PAPOLA: variants seen among roughly 807,000 people sequenced by gnomAD.
PAPOLA encodes poly(A) polymerase alpha.
A neutral mutation model predicts 100.6 loss-of-function variants in PAPOLA; 15 were observed. That is an observed-to-expected ratio of 0.15 (90% confidence interval 0.10 to 0.23). The LOEUF (loss-of-function observed/expected upper bound fraction) is 0.23, where lower values mean the gene tolerates loss of function less well. Ranked by LOEUF, PAPOLA falls within the 10% of genes least tolerant of loss-of-function variation. PAPOLA has a pLI of 1.00. For missense variants in PAPOLA, 533 were observed against 884.2 expected (o/e 0.60, Z 5.04); for synonymous variants, 293 against 300.0 (o/e 0.98, Z 0.24).
At chr14:96,534,865 TAA>T in intron 10 of PAPOLA, 1 of 1,081,724 alleles carries the variant, frequency 9.2e-7, no homozygotes, top group Non-Finnish European at 1.1e-6. Context: ...ATTTGTGCTT[TAA>T]AAAAAATAAA....
At chr14:96,540,996 TCTC>T (rs1485160656) in intron 12 of PAPOLA, among the ~76,000 whole-genome samples, 1 of 152,198 alleles carries the variant, frequency 6.6e-6, no homozygotes. Context: ...TTCATGCCAT[TCTC>T]CTGCCTCAGC....
chr14:96,565,065 G>C lies in PAPOLA; in HGVS notation c.*15G>C, dbSNP rs1426009499. The C allele has an allele frequency of 7.6e-7, 1 of 1,308,072 alleles. No individual in the cohort carries two copies. The highest frequency in any genetic ancestry group is 1.5e-5 in the African/African-American group (1 of 68,854). 81.0% of individuals were successfully genotyped at this position (1,308,072 alleles called of 1,614,324 possible). Reference sequence around the variant, plus strand: ...TGAATCGGTAAAAACAACCTCAGGGGTCCATAAACAATATCTGCCAACTCA... The same window carrying C: ...TGAATCGGTAAAAACAACCTCAGGGCTCCATAAACAATATCTGCCAACTCA... On this transcript the variant is annotated 3_prime_UTR_variant, in exon 22 of 22. Transcript: ENST00000216277.
intron 6 of PAPOLA, among the ~76,000 whole-genome samples, 171 bp from the exon 7 acceptor site, chr14:96,531,304 A>AT (rs112942835): frequency 0.13 from 19,572 of 150,812 alleles, 1,324 homozygotes; most frequent in South Asian, 0.17. Context: ...CCAGACCTGT[A>AT]TTTTTTTTAT....
intron 15 of PAPOLA, chr14:96,547,555 A>ATT (rs1279350410): frequency 3.4e-6 from 1 of 297,600 alleles, no homozygotes; most frequent in East Asian, 6.7e-5. Context: ...TTTAAGAGCT[A>ATT]TTTAAAGGGT....
At chr14:96,536,255 C>T (rs915477712) in intron 11 of PAPOLA, among the ~76,000 whole-genome samples, 2 of 151,996 alleles carry the variant, frequency 1.3e-5, no homozygotes, top group African/African-American at 4.8e-5. Context: ...ATACTATTGC[C>T]TTGTAAAATT....
chr14:96,532,139 T>G, intron 7 of PAPOLA, 192 bp from the exon 8 acceptor site: 1 of 1,375,082 alleles, frequency 7.3e-7, no homozygotes, highest in Non-Finnish European at 9.3e-7. Context: ...GCTTTAGATT[T>G]TTTCCCCCTC....
At chr14:96,549,190 T>C (rs752588607) in intron 16 of PAPOLA, among the ~76,000 whole-genome samples, 38 of 152,192 alleles carry the variant, frequency 2.5e-4, no homozygotes, top group Admixed American at 5.9e-4. Flanking sequence ...TGGAGATAGG[T>C]AGATAGATGG....
At chr14:96,525,000 G>A (rs962906574) in intron 3 of PAPOLA, among the ~76,000 whole-genome samples, 4 of 152,108 alleles carry the variant, frequency 2.6e-5, no homozygotes, top group African/African-American at 7.2e-5. Context: ...TAAAGTCCCC[G>A]ATTCTAACGT....
At chr14:96,554,620 G>C (rs544384746) in intron 17 of PAPOLA, among the ~76,000 whole-genome samples, 47 of 151,864 alleles carry the variant, frequency 3.1e-4, no homozygotes, top group African/African-American at 1.0e-3. Context: ...AAGAGAGACA[G>C]ACACACACAC....
intron 15 of PAPOLA, 25 bp from the exon 16 acceptor site, chr14:96,547,772 T>C (rs750983221): frequency 3.2e-6 from 5 of 1,561,652 alleles, no homozygotes; most frequent in Non-Finnish European, 4.3e-6. Flanking sequence ...TTTCTATTTC[T>C]TGTAACAATT....
intron 1 of PAPOLA, among the ~76,000 whole-genome samples, chr14:96,512,946 ACTGCTCATTTCAAG>A (rs1040276580): frequency 2.0e-5 from 3 of 152,246 alleles, no homozygotes; most frequent in Admixed American, 2.0e-4. Context: ...TGGGATAGAC[ACTGCTCATTTCAAG>A]CTTATTTCTG....
intron 12 of PAPOLA, among the ~76,000 whole-genome samples, chr14:96,539,895 G>GT (rs35158152): frequency 0.074 from 11,260 of 151,350 alleles, 952 homozygotes; most frequent in African/African-American, 0.21. Flanking sequence ...ATATTTGCGG[G>GT]TTTTTTTTTA....
At chr14:96,519,649 G>A (rs963428049) in intron 1 of PAPOLA, among the ~76,000 whole-genome samples, 2 of 152,090 alleles carry the variant, frequency 1.3e-5, no homozygotes, top group East Asian at 3.9e-4. Context: ...TATGAACTTC[G>A]TTCATTGTAA....
At chr14:96,550,162 A>T (rs1209625738) in intron 16 of PAPOLA, among the ~76,000 whole-genome samples, 1 of 152,136 alleles carries the variant, frequency 6.6e-6, no homozygotes, top group Admixed American at 6.5e-5. Context: ...CAAAATAATA[A>T]TTTTTTTAAA....
intron 10 of PAPOLA, chr14:96,535,398 T>A: frequency 1.0e-6 from 1 of 980,060 alleles, no homozygotes; most frequent in Non-Finnish European, 1.2e-6. Flanking sequence ...CATTATCTCC[T>A]AACATATCAA....
intron 1 of PAPOLA, among the ~76,000 whole-genome samples, chr14:96,510,643 C>G (rs1021156855): frequency 7.2e-5 from 11 of 152,208 alleles, no homozygotes; most frequent in African/African-American, 2.7e-4. Flanking sequence ...CTTTATTCCC[C>G]TTGAGCATAA....
rs556466280 is a variant in PAPOLA, at chr14:96,518,555, G to A, written c.9-1500G>A. On this transcript the variant is annotated intron_variant, in intron 1 of 21. Transcript: ENST00000216277. ...TCTCCGAGTAGCTGGGACTACAGGC[G>A]CCCGCCACTACGCCCAGCTAATTTT... Among the ~76,000 whole-genome samples the A allele has an allele frequency of 3.1e-3, 463 of 151,280 alleles. 2 individuals carry two copies. Among genetic ancestry groups the A allele is most frequent in the African/African-American group, 0.011 (436 of 41,398 alleles).
intron 1 of PAPOLA, among the ~76,000 whole-genome samples, chr14:96,517,475 A>G (rs1897560144): frequency 6.6e-6 from 1 of 152,180 alleles, no homozygotes; most frequent in Admixed American, 6.5e-5. Context: ...TAATGGAACT[A>G]CAAGTGTATG....
chr14:96,551,302 T>C (rs1001252913), intron 16 of PAPOLA, among the ~76,000 whole-genome samples: 4 of 152,208 alleles, frequency 2.6e-5, no homozygotes, highest in Non-Finnish European at 5.9e-5. Context: ...ATAATTTACT[T>C]ACTGAATAAA....
Sources: allele counts gnomAD v4.1 joint callset (sites outside exome capture counted in the v4.1 genomes callset), GRCh38; gene constraint gnomAD v4.1.1; transcripts MANE v1.5; gene names NCBI Gene and HGNC (gene_info 2026-07-23, HGNC 2026-07-21).